DROSHA: variants seen among roughly 807,000 people sequenced by gnomAD.
DROSHA encodes the protein drosha ribonuclease III.
In DROSHA, 56 loss-of-function variants were observed where a neutral mutation model predicts 181.9. That is an observed-to-expected ratio of 0.31 (90% CI 0.25 to 0.38). DROSHA has a LOEUF of 0.38. Among genes scored for constraint, DROSHA ranks in the 10% least tolerant of loss-of-function variants. DROSHA has a pLI of 1.00. For synonymous variants in DROSHA, 524 were observed against 591.2 expected (o/e 0.89, Z 1.65); for missense variants, 1,218 against 1,743.5 (o/e 0.70, Z 5.37).
intron 17 of DROSHA, 122 bp downstream of exon 17, chr5:31,471,941 T>C: frequency 1.1e-6 from 1 of 908,854 alleles, no homozygotes; most frequent in Non-Finnish European, 1.5e-6. Context: ...GGAAAAATTA[T>C]CCAAGGACAA....
At chr5:31,465,246 A>G (rs978266830) in intron 19 of DROSHA, among the ~76,000 whole-genome samples, 3 of 152,230 alleles carry the variant, frequency 2.0e-5, no homozygotes, top group African/African-American at 7.2e-5. Context: ...ACAATAATCT[A>G]TGTTGATACT....
Position 31,449,397 on chromosome 5 carries a change from T to C in DROSHA, c.2705A>G (p.His902Arg). 2 of 1,585,686 alleles carry C rather than the reference T, an allele frequency of 1.3e-6. No homozygotes were observed. Among genetic ancestry groups the C allele is most frequent in the Non-Finnish European group, 1.7e-6 (2 of 1,164,730 alleles). Residue 902 changes from histidine (H) to arginine (R), a missense_variant, in exon 22 of 36, where the codon CAT (histidine) becomes CGT (arginine). His to Arg is a conservative substitution (Grantham distance 29). Coordinates refer to ENST00000344624, the MANE Select transcript of DROSHA (RefSeq NM_001382508.1). ...LLQLAMTHPS[H>R]HLNFGMNPDH... ...AGGATTCATTCCAAAATTTAAATGA[T>C]GACTTGGATGAGTCATGGCCAGCTA...
chr5:31,482,271 G>A (rs1265889205), intron 16 of DROSHA, among the ~76,000 whole-genome samples: 1 of 152,168 alleles, frequency 6.6e-6, no homozygotes, highest in Non-Finnish European at 1.5e-5. Context: ...AGAAGAAAAG[G>A]CAAGCAGTTG....
chr5:31,423,183 C>T (rs1742979326), intron 28 of DROSHA: 1 of 312,834 alleles, frequency 3.2e-6, no homozygotes, highest in Non-Finnish European at 5.8e-6. Flanking sequence ...AAGTACTGTA[C>T]ACAGATAGTT....
At position 31,472,088 on chromosome 5, in the gene DROSHA, C is replaced by T; in HGVS notation, c.2216G>A (p.Gly739Asp). The T allele has an allele frequency of 6.2e-7, 1 of 1,613,844 alleles. No homozygotes were observed. The highest frequency in any genetic ancestry group is 8.5e-7 in the Non-Finnish European group (1 of 1,179,822). ...CGTCCCAGGGTTGGTAACAATCATG[C>T]CTTTGCATTCTTCTGCATATTTCTG... ...EWQKYAEECK[G>D]MIVTNPGTKP... is the part of the protein sequence containing the mutation. The change falls in exon 17 of 36, where the codon GGC becomes GAC. Residue 739 changes from glycine to aspartate, a missense_variant. Physicochemically the swap from Gly to Asp is moderately conservative, Grantham distance 94. Coordinates refer to ENST00000344624, the MANE Select transcript of DROSHA (RefSeq NM_001382508.1).
At chr5:31,474,665 A>G (rs1177354581) in intron 16 of DROSHA, among the ~76,000 whole-genome samples, 1 of 152,152 alleles carries the variant, frequency 6.6e-6, no homozygotes, top group Non-Finnish European at 1.5e-5. Context: ...ACCCAGCCAT[A>G]TATTAAAATC....
At chr5:31,406,996 G>T in intron 33 of DROSHA, 51 bp from the exon 34 acceptor site, 2 of 1,502,324 alleles carry the variant, frequency 1.3e-6, no homozygotes, top group Non-Finnish European at 9.2e-7. Context: ...TATTTGTCAT[G>T]GTTACTATGT....
chr5:31,473,491 C>T (rs1370713044), intron 16 of DROSHA, among the ~76,000 whole-genome samples: 1 of 152,120 alleles, frequency 6.6e-6, no homozygotes, highest in Non-Finnish European at 1.5e-5. Context: ...TTATTGAGTG[C>T]CTTTTATGTA....
intron 20 of DROSHA, among the ~76,000 whole-genome samples, chr5:31,452,724 A>T (rs897904488): frequency 8.5e-5 from 13 of 152,226 alleles, no homozygotes; most frequent in Non-Finnish European, 7.3e-5. Flanking sequence ...CATTCTACCA[A>T]ATAGGATCTC....
At chr5:31,516,502 G>GTA (rs1386683227) in intron 6 of DROSHA, among the ~76,000 whole-genome samples, 5 of 152,268 alleles carry the variant, frequency 3.3e-5, no homozygotes, top group East Asian at 3.9e-4. Flanking sequence ...AAGTCTGTAT[G>GTA]TATATATATG....
chr5:31,409,882 C>T lies in DROSHA; in HGVS notation c.3668-550G>A, dbSNP rs1427263662. ...AATTTTGCATTAATAAATGGTGACC[C>T]CCTAGGATGACTTCATTTAAAGGTA... On this transcript the variant is annotated intron_variant, in intron 31 of 35. Transcript: ENST00000344624. The surrounding 1 kb of genome is among the most constrained non-coding windows in gnomAD (Gnocchi z 4.0). Among the ~76,000 whole-genome samples, 1 of 151,212 alleles carries T rather than the reference C, an allele frequency of 6.6e-6. No individual in the cohort carries two copies. The highest frequency in any genetic ancestry group is 1.5e-5 in the Non-Finnish European group (1 of 67,762).
At chr5:31,473,510 C>A in intron 16 of DROSHA, among the ~76,000 whole-genome samples, 1 of 152,120 alleles carries the variant, frequency 6.6e-6, no homozygotes, top group Admixed American at 6.6e-5. Flanking sequence ...TAACAGCCAC[C>A]GTTCTAGGCC....
chr5:31,413,533 G>A (rs78340265), intron 30 of DROSHA, among the ~76,000 whole-genome samples: 427 of 152,302 alleles, frequency 2.8e-3, no homozygotes, highest in Non-Finnish European at 4.9e-3. Flanking sequence ...AAGAAAACCT[G>A]AGGTTATGGC....
Position 31,515,531 on chromosome 5 carries a change from A to G in DROSHA, c.981T>C (p.Ala327=). ...SYGLSVVPEP[A]GCTPELPGEI... ...CCCCAGGTAATTCTGGTGTGCATCC[A>G]GCAGGTTCAGGAACAACCGATAAAC... Residue 327 remains alanine (A), a synonymous_variant, in exon 7 of 36, where the codon GCT becomes GCC. Transcript: ENST00000344624. 2 of 1,547,744 alleles carry G rather than the reference A, an allele frequency of 1.3e-6. No homozygotes were observed. Among genetic ancestry groups the G allele is most frequent in the Non-Finnish European group, 1.7e-6 (2 of 1,143,334 alleles).
intron 16 of DROSHA, among the ~76,000 whole-genome samples, chr5:31,479,805 G>A (rs895317211): frequency 6.6e-5 from 10 of 151,868 alleles, no homozygotes; most frequent in African/African-American, 1.7e-4. Flanking sequence ...AGACATGTAC[G>A]TGTTGTTTAG....
chr5:31,483,619 A>G lies in DROSHA; in HGVS notation c.2006T>C (p.Phe669Ser), dbSNP rs1445887286. The G allele has an allele frequency of 5.0e-6, 8 of 1,611,168 alleles. No homozygotes were observed. The highest frequency in any genetic ancestry group is 6.8e-6 in the Non-Finnish European group (8 of 1,179,518). Residue 669 changes from phenylalanine (F) to serine (S), a missense_variant, in exon 16 of 36, where the codon TTT becomes TCT. Transcript: ENST00000344624. ...TGGGCAGCAGGGAGGGCTGTCTTCAAACAAAGGACCTGAAGCAAACAAATG... is the reference window on the plus strand; with the variant it reads ...TGGGCAGCAGGGAGGGCTGTCTTCAGACAAAGGACCTGAAGCAAACAAATG... ...LYDWNLKGPL[F>S]EDSPPCCPRF...
At position 31,411,511 on chromosome 5, in the gene DROSHA, A is replaced by G. The variant is rs1219761846; in HGVS notation, c.3526-624T>C. On this transcript the variant is annotated intron_variant, in intron 30 of 35. Transcript: ENST00000344624. The surrounding 1 kb of genome is among the most constrained non-coding windows in gnomAD (Gnocchi z 4.2). Reference sequence around the variant, plus strand: ...CTGATGCTAATTTTGATATTATAGGACTTAAGTGAGGTTTAAGTAAATACT... The same window carrying G: ...CTGATGCTAATTTTGATATTATAGGGCTTAAGTGAGGTTTAAGTAAATACT... 6.6e-6 allele frequency among the ~76,000 whole-genome samples: 1 copy of G among 152,090 alleles called. No individual in the cohort carries two copies. Among genetic ancestry groups the G allele is most frequent in the East Asian group, 1.9e-4 (1 of 5,196 alleles).
chr5:31,519,323 C>T (rs112586736), intron 6 of DROSHA, among the ~76,000 whole-genome samples: 2 of 152,128 alleles, frequency 1.3e-5, no homozygotes, highest in African/African-American at 4.8e-5. Context: ...CCTCCTCAGG[C>T]CCTCTTGTCA....
Position 31,496,027 on chromosome 5 carries a change from G to A in DROSHA, c.1669-655C>T, listed in dbSNP as rs139149004. 3.1e-3 allele frequency among the ~76,000 whole-genome samples: 477 copies of A among 152,312 alleles called. 2 individuals are homozygous for A. The highest frequency in any genetic ancestry group is 0.011 in the African/African-American group (451 of 41,566). ...TGTGAGCTGCAGCTGGAAACACTTG[G>A]TTGGGTGGTGGTTGTGTCTTGGCAT... On this transcript the variant is annotated intron_variant, in intron 11 of 35. Transcript: ENST00000344624.
Sources: gnomAD v4.1 joint callset for allele counts (sites outside exome capture counted in the v4.1 genomes callset) on GRCh38, gnomAD v4.1.1 for gene constraint, Gnocchi (gnomAD v3.1) non-coding constraint, MANE v1.5 for transcripts, NCBI Gene and HGNC (gene_info 2026-07-23, HGNC 2026-07-21) for gene names.